Variants in LRP1B observed in about 807,000 individuals in gnomAD.
The protein encoded by LRP1B is LDL receptor related protein 1B.
LRP1B carries 217 observed loss-of-function variants against 556.6 expected under a neutral mutation model. The observed-to-expected ratio is 0.39, with a 90% CI of 0.35 to 0.44. LRP1B has a LOEUF of 0.44. LRP1B is among the 20% of genes least tolerant of loss of function. LRP1B has a pLI of 1.00. For synonymous variants in LRP1B, 2,047 were observed against 1,865.8 expected (o/e 1.10, Z -2.50); for missense variants, 5,053 against 5,620.8 (o/e 0.90, Z 3.23).
chr2:140,237,127 C>T (rs1160416345), intron 89 of LRP1B, among the ~76,000 whole-genome samples: 3 of 150,968 alleles, frequency 2.0e-5, no homozygotes, highest in African/African-American at 7.3e-5. Flanking sequence ...TTCCTCTTAT[C>T]TGACTGTGAC....
intron 41 of LRP1B, among the ~76,000 whole-genome samples, chr2:140,662,598 T>A (rs1685134895): frequency 6.6e-6 from 1 of 152,158 alleles, no homozygotes; most frequent in African/African-American, 2.4e-5. Context: ...GAAAATATAA[T>A]TTCAGTGGTA....
intron 7 of LRP1B, among the ~76,000 whole-genome samples, chr2:141,158,646 TTTC>T (rs1220044676): frequency 1.3e-5 from 2 of 152,166 alleles, no homozygotes; most frequent in Non-Finnish European, 2.9e-5. Context: ...TTATATCTCT[TTTC>T]TTTTTTCTTA....
intron 2 of LRP1B, among the ~76,000 whole-genome samples, chr2:141,547,957 G>A (rs772716105): frequency 6.6e-6 from 1 of 152,096 alleles, no homozygotes; most frequent in Non-Finnish European, 1.5e-5. Context: ...GGACGACCTA[G>A]CTCTGTTGGG....
chr2:141,617,347 G>GA (rs1408007726), intron 2 of LRP1B, among the ~76,000 whole-genome samples: 2 of 152,148 alleles, frequency 1.3e-5, no homozygotes. Flanking sequence ...AAGTGTTATG[G>GA]AAAATAAACA....
At chr2:140,518,146 G>A (rs5004989) in intron 49 of LRP1B, among the ~76,000 whole-genome samples, 113,444 of 152,074 alleles carry the variant, frequency 0.75, 42,860 homozygotes, top group Middle Eastern at 0.88. Context: ...GTCTATTATG[G>A]CTATTTTAAG....
At chr2:141,822,130 C>CACACACACAGAGAGAGAG (rs374369026) in intron 1 of LRP1B, among the ~76,000 whole-genome samples, 3 of 95,864 alleles carry the variant, frequency 3.1e-5, no homozygotes, top group African/African-American at 1.3e-4. Flanking sequence ...CACACACACA[C>CACACACACAGAGAGAGAG]AGAGAGAGAG....
intron 1 of LRP1B, among the ~76,000 whole-genome samples, chr2:141,997,246 G>A (rs1702518370): frequency 6.6e-6 from 1 of 151,854 alleles, no homozygotes; most frequent in South Asian, 2.1e-4. Flanking sequence ...GACCTTTCTG[G>A]TTTGATATTT....
At chr2:140,789,606 T>C (rs1690034642) in intron 32 of LRP1B, among the ~76,000 whole-genome samples, 1 of 148,488 alleles carries the variant, frequency 6.7e-6, no homozygotes. Context: ...AAGCACGATC[T>C]AGCTTTAAGG....
intron 1 of LRP1B, among the ~76,000 whole-genome samples, chr2:141,988,341 T>C (rs1209421772): frequency 6.6e-6 from 1 of 151,858 alleles, no homozygotes; most frequent in Non-Finnish European, 1.5e-5. Flanking sequence ...TCCTTGGTTG[T>C]AGAATAGATT....
At chr2:141,166,225 G>C (rs1371448126) in intron 7 of LRP1B, among the ~76,000 whole-genome samples, 1 of 151,834 alleles carries the variant, frequency 6.6e-6, no homozygotes, top group Non-Finnish European at 1.5e-5. Flanking sequence ...TCCTTAAGGT[G>C]ACAGACTTGC....
chr2:140,259,468 G>C (rs766348591), intron 86 of LRP1B, among the ~76,000 whole-genome samples: 13 of 151,982 alleles, frequency 8.6e-5, no homozygotes, highest in South Asian at 2.1e-4. Context: ...AAAGCCGATT[G>C]AGAATCATAG....
At chr2:141,100,277 T>C (rs1700426933) in intron 7 of LRP1B, among the ~76,000 whole-genome samples, 1 of 152,178 alleles carries the variant, frequency 6.6e-6, no homozygotes, top group African/African-American at 2.4e-5. Context: ...TACTCAATAA[T>C]CTCAGGTAAC....
intron 2 of LRP1B, among the ~76,000 whole-genome samples, chr2:141,766,774 A>G (rs1694746884): frequency 6.6e-6 from 1 of 152,060 alleles, no homozygotes; most frequent in Non-Finnish European, 1.5e-5. Flanking sequence ...CTTTTCTCCA[A>G]TAGTAGGAAA....
intron 3 of LRP1B, among the ~76,000 whole-genome samples, chr2:141,364,107 T>A (rs758688737): frequency 6.6e-5 from 10 of 152,186 alleles, no homozygotes; most frequent in Non-Finnish European, 1.2e-4. Context: ...TATGTTATAA[T>A]CAGCATTCCT....
chr2:140,252,674 A>G (rs1681496138), intron 86 of LRP1B, among the ~76,000 whole-genome samples: 1 of 152,066 alleles, frequency 6.6e-6, no homozygotes, highest in Admixed American at 6.6e-5. Context: ...ATGCAAATAA[A>G]TGCAATTTTT....
At chr2:141,831,615 A>G (rs1001685306) in intron 1 of LRP1B, among the ~76,000 whole-genome samples, 1 of 151,706 alleles carries the variant, frequency 6.6e-6, no homozygotes, top group East Asian at 1.9e-4. Flanking sequence ...CTGAAATAAT[A>G]ATTAAAACAT....
intron 2 of LRP1B, among the ~76,000 whole-genome samples, chr2:141,775,751 C>T (rs1201987623): frequency 1.3e-5 from 2 of 151,744 alleles, no homozygotes; most frequent in South Asian, 2.1e-4. Flanking sequence ...TTTAATTATT[C>T]TAAAAACTCT....
At chr2:142,031,333 T>TTA (rs1553506168) in intron 1 of LRP1B, among the ~76,000 whole-genome samples, 1 of 133,370 alleles carries the variant, frequency 7.5e-6, no homozygotes, top group Admixed American at 7.5e-5. Flanking sequence ...TATACTTATT[T>TTA]TTTTTTTTTT....
At chr2:140,402,088 T>C (rs2890517) in intron 66 of LRP1B, among the ~76,000 whole-genome samples, 149,166 of 152,204 alleles carry the variant, frequency 0.98, 73,149 homozygotes, top group Middle Eastern at 1. Flanking sequence ...TGTGGGAGTC[T>C]CACTGGATAG....
Sources: allele counts gnomAD v4.1 joint callset (sites outside exome capture counted in the v4.1 genomes callset), GRCh38; gene constraint gnomAD v4.1.1; transcripts MANE v1.5; gene names NCBI Gene and HGNC (gene_info 2026-07-23, HGNC 2026-07-21).